The following NME8 variants were observed in gnomAD, a reference collection of about 807,000 sequenced individuals.
NME8 encodes the protein NME/NM23 family member 8, also known as protein NME8.
A neutral mutation model predicts 82.3 loss-of-function variants in NME8; 72 were observed. The observed-to-expected ratio is 0.87, with a 90% CI of 0.72 to 1.06. The LOEUF (loss-of-function observed/expected upper bound fraction) is 1.06, where lower values mean the gene tolerates loss of function less well. Ranked by LOEUF, NME8 falls within the 50% of genes least tolerant of loss-of-function variation. The probability of loss-of-function intolerance (pLI) is 0.00; values close to 1 mark genes in which losing one functional copy is unlikely to be tolerated. For synonymous variants in NME8, 267 were observed against 228.5 expected (o/e 1.17, Z -1.52); for missense variants, 712 against 685.4 (o/e 1.04, Z -0.43).
chr7:37,889,386 A>T, intron 15 of NME8, among the ~76,000 whole-genome samples: 1 of 149,248 alleles, frequency 6.7e-6, no homozygotes, highest in South Asian at 2.1e-4. Flanking sequence ...TCTTTCTTCT[A>T]TTTTCTAGTA....
intron 14 of NME8, among the ~76,000 whole-genome samples, chr7:37,886,240 T>C (rs1329585465): frequency 2.6e-5 from 4 of 152,246 alleles, no homozygotes; most frequent in African/African-American, 9.6e-5. Flanking sequence ...AAATGTGGCA[T>C]AGAGTGCAAT....
At chr7:37,896,741 T>C in intron 16 of NME8, 129 bp from the exon 17 acceptor site, 1 of 776,264 alleles carries the variant, frequency 1.3e-6, no homozygotes, top group Non-Finnish European at 2.3e-6. Context: ...AAGTACATGA[T>C]TGCACTGATA....
intron 7 of NME8, among the ~76,000 whole-genome samples, chr7:37,862,832 A>G (rs1436711525): frequency 2.0e-5 from 3 of 152,082 alleles, no homozygotes; most frequent in Non-Finnish European, 4.4e-5. Context: ...TTAAATTTTA[A>G]GGTTTGGCTG....
intron 15 of NME8, among the ~76,000 whole-genome samples, chr7:37,888,831 C>T (rs1438400134): frequency 6.6e-6 from 1 of 151,514 alleles, no homozygotes; most frequent in Non-Finnish European, 1.5e-5. Context: ...TTTAGATACG[C>T]TATTGGATAC....
chr7:37,852,653 A>G lies in NME8; in HGVS notation c.198+1918A>G, dbSNP rs139597751. On this transcript the variant is annotated intron_variant, in intron 5 of 17. Coordinates refer to ENST00000199447, the MANE Select transcript of NME8 (RefSeq NM_016616.5). ...CTTAGTGATATGCGCCATGTCTTTTAATGATTTGATAGCTCATTTCTTTTT... is the reference window on the plus strand; with the variant it reads ...CTTAGTGATATGCGCCATGTCTTTTGATGATTTGATAGCTCATTTCTTTTT... Among the ~76,000 whole-genome samples the G allele has an allele frequency of 5.0e-3, 758 of 152,266 alleles. 3 individuals are homozygous for G. The highest frequency in any genetic ancestry group is 8.0e-3 in the Non-Finnish European group (544 of 68,010).
At chr7:37,885,099 T>C in intron 13 of NME8, 46 bp from the exon 14 acceptor site, 2 of 1,196,806 alleles carry the variant, frequency 1.7e-6, no homozygotes, top group South Asian at 2.5e-5. Context: ...AATTAGCTAC[T>C]GAGCTACACT....
chr7:37,862,053 AGG>A lies in NME8; in HGVS notation c.298_299del (p.Gly100CysfsTer7). ...AATGGCAAAATTATCGAAAAGATTC[AGG>A]GTGCAAATGCACCGCTTGTTAATAA... On this transcript the variant is annotated frameshift_variant, in exon 7 of 18. Transcript: ENST00000199447. LOFTEE classifies it high-confidence loss of function. The A allele has an allele frequency of 6.2e-7, 1 of 1,613,028 alleles. No individual in the cohort carries two copies. The highest frequency in any genetic ancestry group is 1.1e-5 in the South Asian group (1 of 91,070).
intron 9 of NME8, among the ~76,000 whole-genome samples, chr7:37,865,290 T>A (rs1646135641): frequency 6.6e-6 from 1 of 152,092 alleles, no homozygotes; most frequent in Non-Finnish European, 1.5e-5. Flanking sequence ...TGGGAGAAAT[T>A]GGCCAAAATG....
chr7:37,880,314 G>T (rs1784923493), intron 12 of NME8, among the ~76,000 whole-genome samples: 1 of 152,110 alleles, frequency 6.6e-6, no homozygotes, highest in African/African-American at 2.4e-5. Flanking sequence ...TTATTCTCTA[G>T]AAAGTTTATA....
intron 12 of NME8, among the ~76,000 whole-genome samples, chr7:37,880,265 T>G (rs557671004): frequency 6.6e-6 from 1 of 152,214 alleles, no homozygotes; most frequent in Non-Finnish European, 1.5e-5. Context: ...ATCTAAAAAC[T>G]CATTGCTAAC....
intron 5 of NME8, among the ~76,000 whole-genome samples, chr7:37,854,513 T>C (rs1784483508): frequency 6.6e-6 from 1 of 152,292 alleles, no homozygotes; most frequent in Non-Finnish European, 1.5e-5. Flanking sequence ...TAAAAATGTT[T>C]CTATGTGGTA....
intron 15 of NME8, among the ~76,000 whole-genome samples, chr7:37,892,657 C>G (rs1785147776): frequency 6.6e-6 from 1 of 151,732 alleles, no homozygotes; most frequent in Non-Finnish European, 1.5e-5. Context: ...TCTCTATGTC[C>G]TTCTCTGTAT....
At chr7:37,872,701 T>G (rs960626913) in intron 11 of NME8, among the ~76,000 whole-genome samples, 1 of 152,170 alleles carries the variant, frequency 6.6e-6, no homozygotes, top group African/African-American at 2.4e-5. Flanking sequence ...AGCAGAAGTC[T>G]GCAATCTGGA....
In NME8 at chr7:37,897,044, A is replaced by G. The variant is rs771620693; in HGVS notation, c.1719A>G (p.Glu573=). Residue 573 remains glutamate, a synonymous_variant, in exon 17 of 18, where the codon GAA becomes GAG. Transcript: ENST00000199447. ...NIVHGASNAY[E]AKEVVNRLFE... The stretch of plus-strand genomic sequence containing the variant: ...TCCATGGAGCATCTAACGCCTATGA[A>G]GCAAAAGAGGTTGTTAATAGACTCT... The G allele has an allele frequency of 1.2e-6, 2 of 1,613,972 alleles. No homozygotes were observed. Among genetic ancestry groups the G allele is most frequent in the Non-Finnish European group, 8.5e-7 (1 of 1,179,896 alleles).
At chr7:37,893,082 A>C (rs1484712131) in intron 15 of NME8, among the ~76,000 whole-genome samples, 1 of 152,024 alleles carries the variant, frequency 6.6e-6, no homozygotes, top group African/African-American at 2.4e-5. Context: ...ATAATTAGGT[A>C]GTTTCTTAAT....
chr7:37,886,588 G>A (rs1018567723), intron 14 of NME8, among the ~76,000 whole-genome samples: 8 of 152,152 alleles, frequency 5.3e-5, no homozygotes, highest in African/African-American at 1.9e-4. Context: ...GAGAAGCACA[G>A]CAACCCCTCG....
intron 12 of NME8, among the ~76,000 whole-genome samples, chr7:37,877,733 C>A (rs1012208240): frequency 6.6e-6 from 1 of 152,102 alleles, no homozygotes; most frequent in South Asian, 2.1e-4. Context: ...GTGTTATGTG[C>A]ATTGTAAAAT....
rs369550926 is a variant in NME8, at chr7:37,888,331, C to T, written c.1302C>T (p.Ser434=). ...DSLPVNQLYG[S]DSLETAEREI... ...TGCCGGTCAACCAGTTGTATGGCAG[C>T]GATTCATTAGAAACCGCTGAAAGGG... is the stretch of plus-strand genomic sequence containing the variant. The change falls in exon 15 of 18, where the codon AGC becomes AGT. Residue 434 remains serine, a synonymous_variant. Coordinates refer to ENST00000199447, the MANE Select transcript of NME8 (RefSeq NM_016616.5). 5.1e-5 allele frequency: 83 copies of T among 1,613,310 alleles called. No homozygotes were observed. Among genetic ancestry groups the T allele is most frequent in the East Asian group, 1.3e-4 (6 of 44,872 alleles).
intron 6 of NME8, among the ~76,000 whole-genome samples, chr7:37,860,325 C>G (rs1215945275): frequency 5.3e-5 from 8 of 152,146 alleles, no homozygotes; most frequent in Non-Finnish European, 1.2e-4. Context: ...CCATTAACTC[C>G]TCAATCCATT....
Sources: gnomAD v4.1 joint callset for allele counts (sites outside exome capture counted in the v4.1 genomes callset) on GRCh38, gnomAD v4.1.1 for gene constraint, MANE v1.5 for transcripts, NCBI Gene and HGNC (gene_info 2026-07-23, HGNC 2026-07-21) for gene names.